The following AKT2 variants were observed in gnomAD, a reference collection of about 807,000 sequenced individuals.
AKT2 encodes AKT serine/threonine kinase 2.
In AKT2, 16 loss-of-function variants were observed where a neutral mutation model predicts 58.6. That is an observed-to-expected ratio of 0.27 (90% CI 0.18 to 0.41). AKT2 has a LOEUF of 0.41. Ranked by LOEUF, AKT2 falls within the 10% of genes least tolerant of loss-of-function variation. The probability of loss-of-function intolerance (pLI) is 1.00; values close to 1 mark genes in which losing one functional copy is unlikely to be tolerated. For synonymous variants in AKT2, 253 were observed against 254.0 expected (o/e 1.00, Z 0.04); for missense variants, 438 against 661.0 (o/e 0.66, Z 3.70).
At chr19:40,262,727 A>G (rs554560495) in intron 2 of AKT2, among the ~76,000 whole-genome samples, 1 of 152,348 alleles carries the variant, frequency 6.6e-6, no homozygotes, top group Admixed American at 6.5e-5. Flanking sequence ...TTAGCTTTCC[A>G]GTCTGTAAGG....
At position 40,280,475 on chromosome 19, in the gene AKT2, C is replaced by T. The variant is rs182057429; in HGVS notation, c.-85+4706G>A. On this transcript the variant is annotated intron_variant, in intron 1 of 13. Transcript: ENST00000392038. ...GCTCAGTCAAATCTACCCACGCCCCCAGGCAGGAGCCTGTGACCGGCTCCT... is the reference window on the plus strand; with the variant it reads ...GCTCAGTCAAATCTACCCACGCCCCTAGGCAGGAGCCTGTGACCGGCTCCT... Among the ~76,000 whole-genome samples, 3 of 152,264 alleles carry T rather than the reference C, an allele frequency of 2.0e-5. No individual in the cohort carries two copies. The East Asian group carries it at 5.8e-4, about 29-fold the overall frequency.
chr19:40,241,867 C>T (rs2145201311), intron 6 of AKT2, 71 bp downstream of exon 6: 1 of 1,607,628 alleles, frequency 6.2e-7, no homozygotes, highest in South Asian at 1.1e-5. Flanking sequence ...GGTAAGCGTC[C>T]AGGCCTCAGG....
chr19:40,265,614 G>C (rs967371473), intron 1 of AKT2: 15 of 427,912 alleles, frequency 3.5e-5, no homozygotes, highest in African/African-American at 2.6e-4. Context: ...ACCCATGCTG[G>C]GGGGAGGTGG....
intron 1 of AKT2, among the ~76,000 whole-genome samples, chr19:40,271,501 G>A (rs2077216300): frequency 6.6e-6 from 1 of 151,588 alleles, no homozygotes; most frequent in East Asian, 1.9e-4. Context: ...ATCTGCTCAT[G>A]GGAACTCAGG....
At chr19:40,272,645 G>A (rs921922554) in intron 1 of AKT2, among the ~76,000 whole-genome samples, 12 of 152,094 alleles carry the variant, frequency 7.9e-5, no homozygotes, top group Non-Finnish European at 1.3e-4. Flanking sequence ...CTCACCTATC[G>A]CATTCTTTTC....
At chr19:40,285,025 C>G in intron 1 of AKT2, 156 bp downstream of exon 1, 1 of 382,444 alleles carries the variant, frequency 2.6e-6, no homozygotes, top group Non-Finnish European at 4.6e-6. Flanking sequence ...TCCCACCGCC[C>G]CCGCTCGGCC....
At chr19:40,258,529 C>T (rs542135164) in intron 2 of AKT2, among the ~76,000 whole-genome samples, 4 of 151,882 alleles carry the variant, frequency 2.6e-5, no homozygotes, top group East Asian at 1.9e-4. Flanking sequence ...AGCCAGGAGT[C>T]GTTGCGTGTG....
chr19:40,245,554 G>A (rs1600001399), intron 4 of AKT2, among the ~76,000 whole-genome samples: 1 of 152,114 alleles, frequency 6.6e-6, no homozygotes, highest in African/African-American at 2.4e-5. Flanking sequence ...CGAAGGAAAG[G>A]AACAGCCTCT....
At chr19:40,273,355 A>T (rs1269383414) in intron 1 of AKT2, 7 of 151,736 alleles carry the variant, frequency 4.6e-5, no homozygotes, top group Non-Finnish European at 8.8e-5. Context: ...AAAAAAAAAA[A>T]ATTATTATTT....
Position 40,233,816 on chromosome 19 carries a change from A to G in AKT2, c.*56T>C, listed in dbSNP as rs1973844200. 2 of 1,582,628 alleles carry G rather than the reference A, an allele frequency of 1.3e-6. No homozygotes were observed. Among genetic ancestry groups the G allele is most frequent in the African/African-American group, 2.7e-5 (2 of 74,446 alleles). On this transcript the variant is annotated 3_prime_UTR_variant, in exon 14 of 14. Transcript: ENST00000392038. The surrounding 1 kb of genome is among the most constrained non-coding windows in gnomAD (Gnocchi z 4.3). ...AAGGCTAAGTAAAAAGTTAGGGGGA[A>G]AAAACCACCCAGCGGTGATGGCAGC...
rs1307288698 is a variant in AKT2, at chr19:40,232,769, G to A, written c.*1103C>T. The A allele has an allele frequency of 4.3e-5, 10 of 233,546 alleles. No homozygotes were observed. The highest frequency in any genetic ancestry group is 3.0e-4 in the East Asian group (5 of 16,584). 14.5% of individuals were successfully genotyped at this position (233,546 alleles called of 1,614,324 possible). A position where few individuals can be genotyped will look rare whatever the true frequency, so the allele number is the denominator to read the frequency against. On this transcript the variant is annotated 3_prime_UTR_variant, in exon 14 of 14. Transcript: ENST00000392038. ...GTGTGCCTGCGTCCCGCCGACACACGCAGTCCGAGGCACGCACAGGAGTCC... is the reference window on the plus strand; with the variant it reads ...GTGTGCCTGCGTCCCGCCGACACACACAGTCCGAGGCACGCACAGGAGTCC...
chr19:40,257,862 C>T (rs1324234207), intron 2 of AKT2, among the ~76,000 whole-genome samples: 1 of 152,152 alleles, frequency 6.6e-6, no homozygotes, highest in Non-Finnish European at 1.5e-5. Context: ...GGGACCGTAA[C>T]TTATGCTAAG....
At chr19:40,247,602 A>T (rs1974835771) in intron 4 of AKT2, among the ~76,000 whole-genome samples, 1 of 152,180 alleles carries the variant, frequency 6.6e-6, no homozygotes. Context: ...CCACGGGAAA[A>T]GCAAAGGAAG....
chr19:40,246,977 G>A (rs1974801034), intron 4 of AKT2, among the ~76,000 whole-genome samples: 1 of 152,216 alleles, frequency 6.6e-6, no homozygotes, highest in African/African-American at 2.4e-5. Context: ...CGCAGGGGCG[G>A]GCCTACCCCA....
intron 1 of AKT2, among the ~76,000 whole-genome samples, chr19:40,283,923 C>A (rs1290187858): frequency 1.3e-5 from 2 of 152,186 alleles, no homozygotes. Context: ...TGTGACCGAG[C>A]TGGTAACTGG....
At chr19:40,278,217 G>A (rs554925652) in intron 1 of AKT2, among the ~76,000 whole-genome samples, 2 of 152,372 alleles carry the variant, frequency 1.3e-5, no homozygotes, top group African/African-American at 4.8e-5. Flanking sequence ...TCAAAAGGCA[G>A]CTTCGCCGAC....
chr19:40,277,369 C>A (rs749227131), intron 1 of AKT2, among the ~76,000 whole-genome samples: 1 of 152,190 alleles, frequency 6.6e-6, no homozygotes, highest in Non-Finnish European at 1.5e-5. Context: ...CCTTCGGACA[C>A]CAGTTTGAGA....
At chr19:40,248,648 G>A (rs1974914251) in intron 4 of AKT2, among the ~76,000 whole-genome samples, 1 of 152,254 alleles carries the variant, frequency 6.6e-6, no homozygotes, top group Non-Finnish European at 1.5e-5. Flanking sequence ...AAGACCCCAG[G>A]GCAGGAGCAA....
intron 1 of AKT2, among the ~76,000 whole-genome samples, chr19:40,275,826 A>C (rs1020408044): frequency 7.5e-6 from 1 of 133,648 alleles, no homozygotes; most frequent in Non-Finnish European, 1.6e-5. Context: ...CAGCCTGGCC[A>C]AGATGGTGAA....
Sources: allele counts gnomAD v4.1 joint callset (sites outside exome capture counted in the v4.1 genomes callset), GRCh38; gene constraint gnomAD v4.1.1; non-coding constraint Gnocchi (gnomAD v3.1); transcripts MANE v1.5; gene names NCBI Gene and HGNC (gene_info 2026-07-23, HGNC 2026-07-21).